Variants in LRTM2 observed in about 807,000 individuals in gnomAD.
LRTM2 encodes leucine rich repeat transmembrane protein 2, also known as leucine-rich repeat and transmembrane domain-containing protein 2.
LRTM2 carries 18 observed loss-of-function variants against 28.1 expected under a neutral mutation model. The ratio of observed to expected loss-of-function variants is 0.64; its 90% confidence interval spans 0.44 to 0.95. The LOEUF (loss-of-function observed/expected upper bound fraction) is 0.95, where lower values mean the gene tolerates loss of function less well. Ranked by LOEUF, LRTM2 falls within the 40% of genes least tolerant of loss-of-function variation. LRTM2 has a pLI of 0.00. For synonymous variants in LRTM2, 250 were observed against 218.7 expected (o/e 1.14, Z -1.26); for missense variants, 436 against 497.2 (o/e 0.88, Z 1.17).
intron 3 of LRTM2, 90 bp from the exon 4 acceptor site, chr12:1,830,845 G>A (rs1376084584): frequency 2.8e-6 from 3 of 1,078,972 alleles, no homozygotes; most frequent in African/African-American, 3.2e-5. Flanking sequence ...AAAGCCAAGA[G>A]CCTGTTATGA....
intron 4 of LRTM2, among the ~76,000 whole-genome samples, chr12:1,832,985 T>G (rs1864697196): frequency 6.6e-6 from 1 of 152,140 alleles, no homozygotes; most frequent in South Asian, 2.1e-4. Flanking sequence ...GGATGTGAGG[T>G]TTGCTGCAGG....
At chr12:1,821,822 C>A (rs1864115775) in intron 1 of LRTM2, among the ~76,000 whole-genome samples, 1 of 152,156 alleles carries the variant, frequency 6.6e-6, no homozygotes, top group African/African-American at 2.4e-5. Flanking sequence ...CAGTTGGCGG[C>A]CCTGTCTCTC....
chr12:1,830,931 C>T lies in LRTM2; in HGVS notation c.68-4C>T. On this transcript the variant is annotated splice_region_variant and splice_polypyrimidine_tract_variant and intron_variant, in intron 3 of 4. Coordinates refer to ENST00000299194, the MANE Select transcript of LRTM2 (RefSeq NM_001039029.3). ...TCTTTCCCCCGTCTGTCCCTCCCACCAAGGGATCACCTGCTGGATCGCCCT... is the reference window on the plus strand; with the variant it reads ...TCTTTCCCCCGTCTGTCCCTCCCACTAAGGGATCACCTGCTGGATCGCCCT... 1.3e-6 allele frequency: 2 copies of T among 1,591,084 alleles called. No homozygotes were observed. Among genetic ancestry groups the T allele is most frequent in the South Asian group, 2.2e-5 (2 of 89,268 alleles).
rs1009591762 is a variant in LRTM2 at position 1,831,485 on chromosome 12, G to T, written c.618G>T (p.Leu206=). 6.2e-7 allele frequency: 1 copy of T among 1,613,912 alleles called. No individual in the cohort carries two copies. Among genetic ancestry groups the T allele is most frequent in the Non-Finnish European group, 8.5e-7 (1 of 1,180,010 alleles). The change falls in exon 4 of 5, where the codon CTG becomes CTT. Residue 206 remains leucine, a synonymous_variant. Transcript: ENST00000299194. ...GDNPWECDCN[L]REFKHWMEWF... The stretch of plus-strand genomic sequence containing the variant: ...ACCCCTGGGAGTGTGACTGTAACCT[G>T]CGTGAGTTCAAACACTGGATGGAGT...
At position 1,830,966 on chromosome 12, in the gene LRTM2, G is replaced by T. The variant is rs754091278; in HGVS notation, c.99G>T (p.Val33=). The change falls in exon 4 of 5, where the codon GTG becomes GTT. Residue 33 remains valine (V), a synonymous_variant. Transcript: ENST00000299194. ...WITCWIALYA[V]EALPTCPFSC... is the part of the protein sequence containing the mutation. Reference sequence around the variant, plus strand: ...CCTGCTGGATCGCCCTGTATGCTGTGGAGGCCCTCCCCACCTGCCCTTTCT... The same window carrying T: ...CCTGCTGGATCGCCCTGTATGCTGTTGAGGCCCTCCCCACCTGCCCTTTCT... 1.9e-6 allele frequency: 3 copies of T among 1,612,646 alleles called. No homozygotes were observed. The Admixed American group carries it at 5.0e-5, about 27-fold the overall frequency.
At chr12:1,831,836 T>G (rs1450655878) in intron 4 of LRTM2, among the ~76,000 whole-genome samples, 2 of 150,470 alleles carry the variant, frequency 1.3e-5, no homozygotes, top group Non-Finnish European at 3.0e-5. Context: ...TCTCCCTTTC[T>G]TAGGTTACAT....
rs1864440914 is a variant in LRTM2, at chr12:1,828,210, T to C, written c.62T>C (p.Val21Ala). The C allele has an allele frequency of 6.5e-7, 1 of 1,545,540 alleles. No individual in the cohort carries two copies. Among genetic ancestry groups the C allele is most frequent in the Non-Finnish European group, 8.7e-7 (1 of 1,144,736 alleles). The change falls in exon 3 of 5, where the codon GTC becomes GCC. Residue 21 changes from valine to alanine, a missense_variant. Transcript: ENST00000299194. This position sits in a 1 kb window ranked among gnomAD's most constrained non-coding sequence, Gnocchi z 4.2. ...AGGCTCGCCCTGCAGTGGAGGCAAGTCTCCTGTGAGTACACCCCTGGCCTC... is the reference window on the plus strand; with the variant it reads ...AGGCTCGCCCTGCAGTGGAGGCAAGCCTCCTGTGAGTACACCCCTGGCCTC... The part of the protein sequence containing the change: ...RGRLALQWRQ[V>A]SWITCWIALY...
At position 1,833,867 on chromosome 12, in the gene LRTM2, AGT is replaced by A. The variant is rs1233725485; in HGVS notation, c.659-396_659-395del. 6.6e-6 allele frequency among the ~76,000 whole-genome samples: 1 copy of A among 152,050 alleles called. No individual in the cohort carries two copies. Among genetic ancestry groups the A allele is most frequent in the Admixed American group, 6.5e-5 (1 of 15,274 alleles). On this transcript the variant is annotated intron_variant, in intron 4 of 4. Transcript: ENST00000299194. The surrounding 1 kb of genome is among the most constrained non-coding windows in gnomAD (Gnocchi z 4.2). ...TGAGCAGGCAGATTCGGGGGCAGAG[AGT>A]GTGGCAGGGACGCTCAGCTCTCTAA...
chr12:1,824,013 G>T (rs1864217676), intron 1 of LRTM2, among the ~76,000 whole-genome samples: 1 of 152,210 alleles, frequency 6.6e-6, no homozygotes, highest in African/African-American at 2.4e-5. Context: ...CATTTCTGGT[G>T]CCTCAGTTTC....
Position 1,831,214 on chromosome 12 carries a change from C to T in LRTM2, c.347C>T (p.Thr116Met), listed in dbSNP as rs762456201. The T allele has an allele frequency of 5.6e-6, 9 of 1,613,726 alleles. No individual in the cohort carries two copies. The East Asian group carries it at 8.9e-5, about 16-fold the overall frequency. Residue 116 changes from threonine to methionine, a missense_variant, in exon 4 of 5, where the codon ACG (threonine) becomes ATG (methionine). Physicochemically the swap from Thr to Met is moderately conservative, Grantham distance 81 (BLOSUM62 -1). Transcript: ENST00000299194. ...CCCCGCTCCATTTTCGGGGACCTGA[C>T]GAATCTGACTGAGCTTCAGCTGCGC... ...RLPRSIFGDLTNLTELQLRNN... is the reference protein window; with the variant it reads ...RLPRSIFGDLMNLTELQLRNN...
At chr12:1,824,739 A>C (rs947859045) in intron 1 of LRTM2, among the ~76,000 whole-genome samples, 1 of 152,138 alleles carries the variant, frequency 6.6e-6, no homozygotes, top group African/African-American at 2.4e-5. Context: ...CCTTTCCTTA[A>C]GGAGGCTCCA....
At position 1,831,132 on chromosome 12, in the gene LRTM2, G is replaced by T; in HGVS notation, c.265G>T (p.Ala89Ser). 6.2e-7 allele frequency: 1 copy of T among 1,613,894 alleles called. No individual in the cohort carries two copies. The highest frequency in any genetic ancestry group is 8.5e-7 in the Non-Finnish European group (1 of 1,180,032). Residue 89 changes from alanine to serine, a missense_variant, in exon 4 of 5, where the codon GCC (alanine) becomes TCC (serine). Coordinates refer to ENST00000299194, the MANE Select transcript of LRTM2 (RefSeq NM_001039029.3). Reference sequence around the variant, plus strand: ...GAGTGCCCTGCCAAGCTGGGCTTTCGCCAACCTCTCCAGCCTGCAGCGGTT... The same window carrying T: ...GAGTGCCCTGCCAAGCTGGGCTTTCTCCAACCTCTCCAGCCTGCAGCGGTT... ...KLSALPSWAF[A>S]NLSSLQRLDL...
At chr12:1,826,400 G>GCC (rs150016230) in intron 1 of LRTM2, among the ~76,000 whole-genome samples, 28 of 57,140 alleles carry the variant, frequency 4.9e-4, no homozygotes, top group Admixed American at 1.4e-3. Context: ...TGAACCCAGA[G>GCC]CCCCCCCCCC....
chr12:1,825,754 T>A (rs10491960), intron 1 of LRTM2, among the ~76,000 whole-genome samples: 1 of 151,956 alleles, frequency 6.6e-6, no homozygotes, highest in Non-Finnish European at 1.5e-5. Context: ...CACACGTAAG[T>A]ATCTCCCTGA....
Position 1,828,240 on chromosome 12 carries a change from G to A in LRTM2, c.67+25G>A, listed in dbSNP as rs770927280. 11 of 1,530,968 alleles carry A rather than the reference G, an allele frequency of 7.2e-6. No homozygotes were observed. Among genetic ancestry groups the A allele is most frequent in the East Asian group, 5.0e-5 (2 of 39,830 alleles). 94.8% of individuals were successfully genotyped at this position (1,530,968 alleles called of 1,614,324 possible). On this transcript the variant is annotated intron_variant, in intron 3 of 4. Transcript: ENST00000299194. The surrounding 1 kb of genome is among the most constrained non-coding windows in gnomAD (Gnocchi z 4.2). ...TGTGAGTACACCCCTGGCCTCGGAG[G>A]GGGGTGCGGGTTGGGTGGGGGTGCC...
intron 1 of LRTM2, among the ~76,000 whole-genome samples, chr12:1,822,585 A>C (rs1864150223): frequency 6.6e-6 from 1 of 152,112 alleles, no homozygotes; most frequent in Non-Finnish European, 1.5e-5. Flanking sequence ...TGCTTCCCAG[A>C]GGGTCTGTTT....
Position 1,828,086 on chromosome 12 carries a change from C to T in LRTM2, c.-63C>T, listed in dbSNP as rs550418400. ...TCCTCCCTCCCTCAGGACTGACAGG[C>T]GGCGCACCCAGGGGCTCCTCTCTCC... On this transcript the variant is annotated 5_prime_UTR_variant, in exon 3 of 5. Coordinates refer to ENST00000299194, the MANE Select transcript of LRTM2 (RefSeq NM_001039029.3). The surrounding 1 kb of genome is among the most constrained non-coding windows in gnomAD (Gnocchi z 4.2). 1,047 of 1,426,548 alleles carry T rather than the reference C, an allele frequency of 7.3e-4. No homozygotes were observed. The highest frequency in any genetic ancestry group is 1.5e-3 in the Middle Eastern group (6 of 4,082). 88.4% of individuals were successfully genotyped at this position (1,426,548 alleles called of 1,614,324 possible). A position where few individuals can be genotyped will look rare whatever the true frequency, so the allele number is the denominator to read the frequency against.
intron 1 of LRTM2, among the ~76,000 whole-genome samples, chr12:1,822,830 G>T (rs986763038): frequency 2.0e-5 from 3 of 152,216 alleles, no homozygotes; most frequent in Non-Finnish European, 4.4e-5. Flanking sequence ...AGCCTAGACG[G>T]CTGTGGCAGC....
rs746064896 is a variant in LRTM2, at chr12:1,833,187, C to T, written c.659-1080C>T. The stretch of plus-strand genomic sequence containing the variant: ...AAACAAAATCCTGGAATATTTCCAT[C>T]GGCATCCCAGGGAAAGATTGATGCC... On this transcript the variant is annotated intron_variant, in intron 4 of 4. Coordinates refer to ENST00000299194, the MANE Select transcript of LRTM2 (RefSeq NM_001039029.3). This position sits in a 1 kb window ranked among gnomAD's most constrained non-coding sequence, Gnocchi z 4.2. Among the ~76,000 whole-genome samples, 4 of 152,208 alleles carry T rather than the reference C, an allele frequency of 2.6e-5. No homozygotes were observed. The highest frequency in any genetic ancestry group is 5.9e-5 in the Non-Finnish European group (4 of 68,044).
Sources: gnomAD v4.1 joint callset for allele counts (sites outside exome capture counted in the v4.1 genomes callset) on GRCh38, gnomAD v4.1.1 for gene constraint, Gnocchi (gnomAD v3.1) non-coding constraint, MANE v1.5 for transcripts, NCBI Gene and HGNC (gene_info 2026-07-23, HGNC 2026-07-21) for gene names.